The following ODAD2 variants were observed in gnomAD, a reference collection of about 807,000 sequenced individuals.
ODAD2 encodes outer dynein arm-docking complex subunit 2.
Under a neutral mutation model 106.8 loss-of-function variants are expected in ODAD2, and 89 were observed. That is an observed-to-expected ratio of 0.83 (90% CI 0.70 to 0.99). The LOEUF (loss-of-function observed/expected upper bound fraction) is 0.99, where lower values mean the gene tolerates loss of function less well. ODAD2 is among the 50% of genes least tolerant of loss of function. ODAD2 has a pLI of 0.00. For missense variants in ODAD2, 1,168 were observed against 1,238.5 expected (o/e 0.94, Z 0.85); for synonymous variants, 404 against 436.2 (o/e 0.93, Z 0.92).
chr10:27,961,673 G>T lies in ODAD2; in HGVS notation c.1281C>A (p.Ser427=). Residue 427 remains serine, a synonymous_variant, in exon 10 of 20, where the codon TCC becomes TCA. Transcript: ENST00000305242. ...EKIEETVSDS[S]SESEEDEEPP... is the part of the protein sequence containing the mutation. Reference sequence around the variant, plus strand: ...GTTCTTCATCTTCCTCACTTTCTGAGGAGCTATCGCTAACAGTTTCCTCAA... The same window carrying T: ...GTTCTTCATCTTCCTCACTTTCTGATGAGCTATCGCTAACAGTTTCCTCAA... The T allele has an allele frequency of 6.2e-7, 1 of 1,607,988 alleles. No individual in the cohort carries two copies. The highest frequency in any genetic ancestry group is 2.2e-5 in the East Asian group (1 of 44,822).
chr10:27,892,583 A>G (rs975743284), intron 17 of ODAD2, among the ~76,000 whole-genome samples: 2 of 152,232 alleles, frequency 1.3e-5, no homozygotes, highest in Non-Finnish European at 2.9e-5. Flanking sequence ...TAACTATTAC[A>G]TACTTGCTTT....
chr10:27,862,453 A>C lies in ODAD2; in HGVS notation c.2780T>G (p.Leu927Trp), dbSNP rs587777047. Residue 927 changes from leucine to tryptophan, a missense_variant, in exon 18 of 20, where the codon TTG becomes TGG. This residue lies in a region of ODAD2 where 701 missense variants were observed against 712.3 expected (regional missense o/e 0.98). Coordinates refer to ENST00000305242, the MANE Select transcript of ODAD2 (RefSeq NM_018076.5). ...VITDHGVVPL[L>W]SKLANTNNNK... is the part of the protein sequence containing the mutation. ...ACTTACTGTATTTGCCAGTTTGGAC[A>C]ATAAAGGAACAACTCCATGATCTGT... 6.2e-7 allele frequency: 1 copy of C among 1,609,270 alleles called. No individual in the cohort carries two copies.
intron 7 of ODAD2, 33 bp from the exon 8 acceptor site, chr10:27,971,346 A>T (rs1848848738): frequency 6.6e-7 from 1 of 1,514,462 alleles, no homozygotes; most frequent in Non-Finnish European, 8.9e-7. Flanking sequence ...ATTTTTAATG[A>T]TATCTGAATT....
intron 17 of ODAD2, among the ~76,000 whole-genome samples, chr10:27,869,139 T>C (rs1304172907): frequency 6.6e-6 from 1 of 152,004 alleles, no homozygotes; most frequent in Non-Finnish European, 1.5e-5. Context: ...AAAAATGCAT[T>C]TTTGAAATGA....
chr10:27,909,271 C>G lies in ODAD2; in HGVS notation c.2496-1494G>C, dbSNP rs147760669. 1.6e-4 allele frequency among the ~76,000 whole-genome samples: 24 copies of G among 152,152 alleles called. No individual in the cohort carries two copies. The East Asian group carries it at 4.6e-3, about 29-fold the overall frequency. ...ACTGTATATTGCTGGACAGAAATAA[C>G]TTGTCATTGCAGTGGAAGTCATTTG... is the stretch of plus-strand genomic sequence containing the variant. On this transcript the variant is annotated intron_variant, in intron 16 of 19. Coordinates refer to ENST00000305242, the MANE Select transcript of ODAD2 (RefSeq NM_018076.5).
At chr10:27,901,903 A>G (rs1340228796) in intron 17 of ODAD2, among the ~76,000 whole-genome samples, 6 of 152,210 alleles carry the variant, frequency 3.9e-5, no homozygotes, top group South Asian at 2.1e-4. Context: ...TCAACGAGAC[A>G]GAAAATTAAC....
intron 17 of ODAD2, among the ~76,000 whole-genome samples, chr10:27,885,640 T>A (rs1377042939): frequency 3.8e-4 from 17 of 44,888 alleles, no homozygotes; most frequent in African/African-American, 5.6e-4. Context: ...AAATATATAT[T>A]ATATATATTA....
intron 10 of ODAD2, among the ~76,000 whole-genome samples, chr10:27,955,697 G>T (rs1432539767): frequency 1.3e-4 from 1 of 7,878 alleles, no homozygotes; most frequent in East Asian, 2.1e-3. Flanking sequence ...ACCAATTAAG[G>T]TGTGTGTGTG....
intron 17 of ODAD2, among the ~76,000 whole-genome samples, chr10:27,873,456 A>C (rs1841070700): frequency 7.4e-6 from 1 of 134,532 alleles, no homozygotes; most frequent in Non-Finnish European, 1.6e-5. Flanking sequence ...TTAGGGTGTC[A>C]ATTTTAGATC....
At chr10:27,883,981 G>A (rs963048433) in intron 17 of ODAD2, among the ~76,000 whole-genome samples, 3 of 151,836 alleles carry the variant, frequency 2.0e-5, no homozygotes, top group African/African-American at 7.3e-5. Context: ...TAGAAAAAAG[G>A]AGAAAGAGAA....
chr10:27,936,419 T>C (rs1845974756), intron 15 of ODAD2, among the ~76,000 whole-genome samples: 1 of 152,198 alleles, frequency 6.6e-6, no homozygotes, highest in Admixed American at 6.5e-5. Context: ...CCACTCACCT[T>C]GATAGGTCCC....
intron 19 of ODAD2, among the ~76,000 whole-genome samples, chr10:27,851,184 C>T (rs1362132158): frequency 6.6e-6 from 1 of 152,098 alleles, no homozygotes; most frequent in Non-Finnish European, 1.5e-5. Context: ...GAGTGGAAGA[C>T]TTCATAATGC....
At chr10:27,933,454 T>C (rs1389853205) in intron 16 of ODAD2, among the ~76,000 whole-genome samples, 2 of 152,098 alleles carry the variant, frequency 1.3e-5, no homozygotes, top group Non-Finnish European at 2.9e-5. Context: ...TTATCAGATA[T>C]GCAGTTTAGG....
At chr10:27,981,665 A>G in intron 6 of ODAD2, 83 bp from the exon 7 acceptor site, 1 of 997,790 alleles carries the variant, frequency 1.0e-6, no homozygotes, top group Non-Finnish European at 1.5e-6. Flanking sequence ...AGCTAGCCAC[A>G]CGTATTATTT....
intron 17 of ODAD2, among the ~76,000 whole-genome samples, chr10:27,885,745 T>C (rs868367739): frequency 1.8e-5 from 1 of 54,412 alleles, no homozygotes; most frequent in African/African-American, 7.0e-5. Flanking sequence ...TATTATGTTA[T>C]ATATAATATA....
intron 17 of ODAD2, among the ~76,000 whole-genome samples, chr10:27,876,777 T>C (rs1841369239): frequency 6.6e-6 from 1 of 152,164 alleles, no homozygotes; most frequent in South Asian, 2.1e-4. Context: ...CAAGCACACT[T>C]TCCAGTACAC....
intron 16 of ODAD2, among the ~76,000 whole-genome samples, chr10:27,922,687 T>G (rs1265282040): frequency 1.3e-5 from 2 of 152,028 alleles, no homozygotes; most frequent in East Asian, 3.9e-4. Context: ...GGGTGGATCA[T>G]TTGAGGTCAG....
intron 9 of ODAD2, among the ~76,000 whole-genome samples, 193 bp from the exon 10 acceptor site, chr10:27,961,908 A>C (rs931688215): frequency 1.3e-5 from 2 of 152,132 alleles, no homozygotes; most frequent in African/African-American, 4.8e-5. Flanking sequence ...CTACAAAAAA[A>C]ATACTTAATT....
intron 17 of ODAD2, among the ~76,000 whole-genome samples, chr10:27,866,603 G>A (rs533737284): frequency 6.6e-6 from 1 of 152,270 alleles, no homozygotes; most frequent in Admixed American, 6.5e-5. Flanking sequence ...CAAGAAACAT[G>A]GTGCCAGCAT....
Sources: gnomAD v4.1 joint callset for allele counts (sites outside exome capture counted in the v4.1 genomes callset) on GRCh38, gnomAD v4.1.1 for gene constraint, gnomAD v4.1.1 regional missense constraint, MANE v1.5 for transcripts, NCBI Gene and HGNC (gene_info 2026-07-23, HGNC 2026-07-21) for gene names.